OXNAD1: variants seen among roughly 807,000 people sequenced by gnomAD.
The protein encoded by OXNAD1 is oxidoreductase NAD binding domain containing 1.
Under a neutral mutation model 32.9 loss-of-function variants are expected in OXNAD1, and 34 were observed. The ratio of observed to expected loss-of-function variants is 1.03; its 90% CI spans 0.79 to 1.38. The LOEUF is 1.38. OXNAD1 is among the 40% of genes most tolerant of loss of function. The pLI is 0.00. For synonymous variants in OXNAD1, 134 were observed against 135.2 expected (o/e 0.99, Z 0.06); for missense variants, 407 against 379.4 (o/e 1.07, Z -0.60).
chr3:16,345,551 G>T lies in OXNAD1; in HGVS notation c.*31-3625G>T, dbSNP rs1340942987. On this transcript the variant is annotated intron_variant, in intron 9 of 9. Transcript: ENST00000606098. This position sits in a 1 kb window ranked among gnomAD's most constrained non-coding sequence, Gnocchi z 5.2. ...ATTGAGGACCTGAACAGAACAAAGG[G>T]TGGAGGAAGGCTGAATTAACACCGC... 6.6e-6 allele frequency among the ~76,000 whole-genome samples: 1 copy of T among 152,116 alleles called. No homozygotes were observed. Among genetic ancestry groups the T allele is most frequent in the East Asian group, 1.9e-4 (1 of 5,194 alleles).
chr3:16,302,757 C>A lies in OXNAD1; in HGVS notation c.784+9C>A. The A allele has an allele frequency of 6.3e-7, 1 of 1,588,090 alleles. No individual in the cohort carries two copies. On this transcript the variant is annotated intron_variant, in intron 8 of 8. Coordinates refer to ENST00000285083, the MANE Select transcript of OXNAD1 (RefSeq NM_138381.5). The surrounding 1 kb of genome is among the most constrained non-coding windows in gnomAD (Gnocchi z 4.2). ...CAAGCCATACATCACGGGTGAGTCC[C>A]CTAAAGATATTTTGACTATCTCCAT...
At chr3:16,323,201 G>C (rs559970853) in intron 9 of OXNAD1, among the ~76,000 whole-genome samples, 2 of 152,260 alleles carry the variant, frequency 1.3e-5, no homozygotes, top group African/African-American at 4.8e-5. Flanking sequence ...AGTCCCCTCA[G>C]CTGTCCCGTT....
Position 16,322,547 on chromosome 3 carries a change from T to C in OXNAD1, c.*31-14565T>C, listed in dbSNP as rs2069187497. Reference sequence around the variant, plus strand: ...GAGCTGAATCCAGGTGATGCCTGACTCAGGCTTTGGTGTGTCCACTCGACT... The same window carrying C: ...GAGCTGAATCCAGGTGATGCCTGACCCAGGCTTTGGTGTGTCCACTCGACT... On this transcript the variant is annotated intron_variant, in intron 9 of 9. Coordinates refer to the OXNAD1 transcript ENST00000435829. The surrounding 1 kb of genome is among the most constrained non-coding windows in gnomAD (Gnocchi z 6.2). Among the ~76,000 whole-genome samples the C allele has an allele frequency of 6.6e-6, 1 of 152,302 alleles. No homozygotes were observed. The highest frequency in any genetic ancestry group is 2.1e-4 in the South Asian group (1 of 4,830).
In OXNAD1 at chr3:16,271,027, A is replaced by G; in HGVS notation, c.75A>G (p.Ser25=). 1 of 1,614,176 alleles carries G rather than the reference A, an allele frequency of 6.2e-7. No homozygotes were observed. The highest frequency in any genetic ancestry group is 1.7e-4 in the Middle Eastern group (1 of 6,060). ...GAGCCATCCGTATTGAGGCTGCGTCACTGAGATTGACACTCAGCACTTTGC... is the reference window on the plus strand; with the variant it reads ...GAGCCATCCGTATTGAGGCTGCGTCGCTGAGATTGACACTCAGCACTTTGC... ...SVGAIRIEAA[S]LRLTLSTLRH... is the part of the protein sequence containing the mutation. Residue 25 remains serine (S), a synonymous_variant, in exon 3 of 9, where the codon TCA becomes TCG. Transcript: ENST00000285083. The surrounding 1 kb of genome is among the most constrained non-coding windows in gnomAD (Gnocchi z 4.6).
At position 16,320,642 on chromosome 3, in the gene OXNAD1, T is replaced by G. The variant is rs1335388787; in HGVS notation, c.*31-16470T>G. 6.6e-6 allele frequency among the ~76,000 whole-genome samples: 1 copy of G among 152,088 alleles called. No individual in the cohort carries two copies. Among genetic ancestry groups the G allele is most frequent in the Admixed American group, 6.5e-5 (1 of 15,274 alleles). ...TCCAGGGTAGTACAAAGGAGTCTGG[T>G]TTGGTATAAAAGGAGACAGCACTGT... On this transcript the variant is annotated intron_variant, in intron 9 of 9. Transcript: ENST00000435829. This position sits in a 1 kb window ranked among gnomAD's most constrained non-coding sequence, Gnocchi z 4.5.
chr3:16,309,447 T>C (rs1055439048), downstream of OXNAD1, among the ~76,000 whole-genome samples: 1 of 152,044 alleles, frequency 6.6e-6, no homozygotes, highest in South Asian at 2.1e-4. Flanking sequence ...GTATTTTTTT[T>C]CCCCTAATCA....
intron 9 of OXNAD1, among the ~76,000 whole-genome samples, chr3:16,326,498 A>G (rs1559814743): frequency 6.6e-6 from 1 of 152,214 alleles, no homozygotes; most frequent in Non-Finnish European, 1.5e-5. Context: ...GGAGGCTCTG[A>G]GCCCTCTCAG....
At chr3:16,323,415 T>G (rs775509662) in intron 9 of OXNAD1, 1 of 1,612,156 alleles carries the variant, frequency 6.2e-7, no homozygotes, top group Non-Finnish European at 8.5e-7. Flanking sequence ...GTAGACAAGG[T>G]CTCTGAAGAA....
intron 9 of OXNAD1, among the ~76,000 whole-genome samples, chr3:16,343,798 G>A (rs991654303): frequency 6.6e-6 from 1 of 152,206 alleles, no homozygotes; most frequent in African/African-American, 2.4e-5. Context: ...CCTGACTCAA[G>A]GAGTTTGCAT....
At chr3:16,325,564 T>A (rs1455742462) in intron 9 of OXNAD1, among the ~76,000 whole-genome samples, 2 of 152,208 alleles carry the variant, frequency 1.3e-5, no homozygotes, top group Non-Finnish European at 2.9e-5. Flanking sequence ...AGTGGCAGAC[T>A]GAAGACTTGG....
Position 16,312,657 on chromosome 3 carries a change from A to G in OXNAD1, c.*30+9065A>G, listed in dbSNP as rs987919607. Among the ~76,000 whole-genome samples, 2 of 152,164 alleles carry G rather than the reference A, an allele frequency of 1.3e-5. No individual in the cohort carries two copies. The highest frequency in any genetic ancestry group is 2.1e-4 in the South Asian group (1 of 4,828). ...AGTTTGGGGTCAACCTATTCCTACT[A>G]ATAAGCACTGTCTACACCTGAGAGC... is the stretch of plus-strand genomic sequence containing the variant. On this transcript the variant is annotated intron_variant, in intron 9 of 9. Coordinates refer to the OXNAD1 transcript ENST00000435829. The surrounding 1 kb of genome is among the most constrained non-coding windows in gnomAD (Gnocchi z 4.7).
In OXNAD1 at chr3:16,342,680, G is replaced by A. The variant is rs1484984638; in HGVS notation, c.*31-6496G>A. On this transcript the variant is annotated intron_variant, in intron 9 of 9. Coordinates refer to the OXNAD1 transcript ENST00000606098. The surrounding 1 kb of genome is among the most constrained non-coding windows in gnomAD (Gnocchi z 4.0). ...TTGGCCTCACTAGACTAGTTCTCAA[G>A]CCTTCTTAAGTCTAATTTGCCAAGC... 6.6e-6 allele frequency among the ~76,000 whole-genome samples: 1 copy of A among 152,204 alleles called. No homozygotes were observed. The highest frequency in any genetic ancestry group is 1.5e-5 in the Non-Finnish European group (1 of 68,042).
Position 16,277,601 on chromosome 3 carries a change from G to A in OXNAD1, c.183+5879G>A, listed in dbSNP as rs11926401. On this transcript the variant is annotated intron_variant, in intron 4 of 8. Transcript: ENST00000285083. This position sits in a 1 kb window ranked among gnomAD's most constrained non-coding sequence, Gnocchi z 4.3. ...TTTTACAAAGAGGAAGCAGGGCCTA[G>A]GACATGTCTCTCAGTGACGAAAGGA... 0.24 allele frequency among the ~76,000 whole-genome samples: 36,119 copies of A among 152,200 alleles called. 5,982 individuals are homozygous for A. The highest frequency in any genetic ancestry group is 0.48 in the African/African-American group (19,818 of 41,490).
intron 9 of OXNAD1, among the ~76,000 whole-genome samples, chr3:16,347,294 A>G (rs2071791183): frequency 2.0e-5 from 3 of 152,256 alleles, no homozygotes; most frequent in Admixed American, 6.5e-5. Context: ...TGTTATATCC[A>G]TTTTCTAGGG....
chr3:16,323,629 C>T (rs751579019), intron 9 of OXNAD1, among the ~76,000 whole-genome samples: 4 of 152,164 alleles, frequency 2.6e-5, no homozygotes, highest in Non-Finnish European at 4.4e-5. Context: ...ACCTTGCTTC[C>T]GAGGGGCTAT....
rs76795544 is a variant in OXNAD1, at chr3:16,299,718, C to T, written c.433-1908C>T. On this transcript the variant is annotated intron_variant, in intron 6 of 8. Coordinates refer to ENST00000285083, the MANE Select transcript of OXNAD1 (RefSeq NM_138381.5). This position sits in a 1 kb window ranked among gnomAD's most constrained non-coding sequence, Gnocchi z 4.4. ...AAGGGTTTGGTTCTCAAAAAGCACG[C>T]GATGTGTTATTACTTCTTAGGAGGG... Among the ~76,000 whole-genome samples, 745 of 152,280 alleles carry T rather than the reference C, an allele frequency of 4.9e-3. No homozygotes were observed. Among genetic ancestry groups the T allele is most frequent in the Non-Finnish European group, 8.3e-3 (565 of 68,028 alleles).
Position 16,304,999 on chromosome 3 carries a change from A to C in OXNAD1, c.*1437A>C, listed in dbSNP as rs2067445162. On this transcript the variant is annotated 3_prime_UTR_variant, in exon 9 of 9. Coordinates refer to ENST00000285083, the MANE Select transcript of OXNAD1 (RefSeq NM_138381.5). The surrounding 1 kb of genome is among the most constrained non-coding windows in gnomAD (Gnocchi z 4.6). ...GGGAGGAGCTACTGACCTGATGGGA[A>C]TATCATAATCCATTCAAGGAAATGG... 6.6e-6 allele frequency: 1 copy of C among 152,208 alleles called. No homozygotes were observed. The highest frequency in any genetic ancestry group is 2.1e-4 in the South Asian group (1 of 4,834). The allele number at this position is 152,208 out of a possible 1,614,324, so 9.4% of individuals were successfully genotyped here.
chr3:16,278,820 G>A (rs967231339), intron 4 of OXNAD1, among the ~76,000 whole-genome samples: 3 of 152,308 alleles, frequency 2.0e-5, no homozygotes, highest in African/African-American at 7.2e-5. Flanking sequence ...AGATGCCTTT[G>A]GGGATCCTAC....
intron 9 of OXNAD1, among the ~76,000 whole-genome samples, chr3:16,326,297 AGTG>A (rs2069681685): frequency 6.6e-6 from 1 of 152,264 alleles, no homozygotes; most frequent in Admixed American, 6.5e-5. Flanking sequence ...GCTGGTGACC[AGTG>A]CTTGATCTTG....
Sources: allele counts gnomAD v4.1 joint callset (sites outside exome capture counted in the v4.1 genomes callset), GRCh38; gene constraint gnomAD v4.1.1; non-coding constraint Gnocchi (gnomAD v3.1); transcripts MANE v1.5; gene names NCBI Gene and HGNC (gene_info 2026-07-23, HGNC 2026-07-21).